GRK6: variants seen among roughly 807,000 people sequenced by gnomAD.
GRK6 encodes the protein G protein-coupled receptor kinase 6.
In GRK6, 37 loss-of-function variants were observed where a neutral mutation model predicts 80.8. That is an observed-to-expected ratio of 0.46 (90% CI 0.35 to 0.60). The LOEUF is 0.60. GRK6 is among the 20% of genes least tolerant of loss of function. The probability of loss-of-function intolerance (pLI) is 0.00; values close to 1 mark genes in which losing one functional copy is unlikely to be tolerated. For synonymous variants in GRK6, 295 were observed against 320.9 expected, an observed-to-expected ratio of 0.92 and a Z score of 0.86; for missense variants, 560 against 784.6, an observed-to-expected ratio of 0.71 and a Z score of 3.42.
Position 177,440,944 on chromosome 5 carries a change from A to C in GRK6, c.1568A>C (p.Glu523Ala). ...ATGGTGGAGACCGAGTGCTTCCAAG[A>C]GCTGAATGTCTTTGGGCTGGATGGC... ...NEMVETECFQELNVFGLDGSV... is the reference protein window; with the variant it reads ...NEMVETECFQALNVFGLDGSV... The change falls in exon 15 of 16, where the codon GAG (glutamate) becomes GCG (alanine). Residue 523 changes from glutamate to alanine, a missense_variant. By Grantham distance (107) the Glu-to-Ala change is moderately radical. Transcript: ENST00000355472. 6.2e-7 allele frequency: 1 copy of C among 1,613,920 alleles called. No homozygotes were observed. The highest frequency in any genetic ancestry group is 8.5e-7 in the Non-Finnish European group (1 of 1,179,982).
intron 11 of GRK6, among the ~76,000 whole-genome samples, 154 bp from the exon 12 acceptor site, chr5:177,435,919 C>T (rs563699289): frequency 1.2e-4 from 19 of 152,306 alleles, no homozygotes; most frequent in Non-Finnish European, 1.8e-4. Context: ...GTATTCACCC[C>T]GCTTGATGGG....
At chr5:177,439,385 C>G (rs561564789) in intron 13 of GRK6, among the ~76,000 whole-genome samples, 1 of 152,006 alleles carries the variant, frequency 6.6e-6, no homozygotes, top group Non-Finnish European at 1.5e-5. Flanking sequence ...ACTAAAAATA[C>G]AAAAATTAGC....
At position 177,428,291 on chromosome 5, in the gene GRK6, G is replaced by T. The variant is rs969737824; in HGVS notation, c.52+1394G>T. On this transcript the variant is annotated intron_variant, in intron 1 of 15. Coordinates refer to ENST00000355472, the MANE Select transcript of GRK6 (RefSeq NM_001004106.3). This position sits in a 1 kb window ranked among gnomAD's most constrained non-coding sequence, Gnocchi z 4.1. ...AGTTAAGGCCTCAGGCCTGCTGATGGCACTGCCTGGCCGGAGAGTGTGGGT... is the reference window on the plus strand; with the variant it reads ...AGTTAAGGCCTCAGGCCTGCTGATGTCACTGCCTGGCCGGAGAGTGTGGGT... 3.3e-5 allele frequency among the ~76,000 whole-genome samples: 5 copies of T among 152,256 alleles called. No homozygotes were observed. Among genetic ancestry groups the T allele is most frequent in the African/African-American group, 1.2e-4 (5 of 41,478 alleles).
At chr5:177,435,163 T>C (rs764761208) in intron 11 of GRK6, 42 bp downstream of exon 11, 6 of 1,468,832 alleles carry the variant, frequency 4.1e-6, no homozygotes, top group Non-Finnish European at 5.6e-6. Context: ...CTGGGTTCCC[T>C]CACTATCCAC....
At chr5:177,434,234 C>A in intron 9 of GRK6, 130 bp downstream of exon 9, 1 of 983,524 alleles carries the variant, frequency 1.0e-6, no homozygotes, top group Non-Finnish European at 1.4e-6. Context: ...GGGGCTGTGG[C>A]ACCGGCTTAA....
At chr5:177,430,302 G>A (rs938479512) in intron 1 of GRK6, among the ~76,000 whole-genome samples, 3 of 152,232 alleles carry the variant, frequency 2.0e-5, no homozygotes, top group African/African-American at 2.4e-5. Context: ...GGGTGTCTGC[G>A]AGGTCAAGCA....
chr5:177,429,453 G>C lies in GRK6; in HGVS notation c.53-1419G>C, dbSNP rs910783676. 3.3e-5 allele frequency among the ~76,000 whole-genome samples: 5 copies of C among 152,164 alleles called. No individual in the cohort carries two copies. The highest frequency in any genetic ancestry group is 1.3e-4 in the Admixed American group (2 of 15,286). ...GGTTGGGTGAGGGACCTGTGGGTGT[G>C]GGGGAGGAGTTCCCCTTCTGGGAAG... On this transcript the variant is annotated intron_variant, in intron 1 of 15. Transcript: ENST00000355472. This position sits in a 1 kb window ranked among gnomAD's most constrained non-coding sequence, Gnocchi z 4.3.
rs766003061 is a variant in GRK6 at position 177,434,051 on chromosome 5, C to T, written c.876C>T (p.Ala292=). The T allele has an allele frequency of 1.3e-5, 21 of 1,609,290 alleles. 1 individual carries two copies. The highest frequency in any genetic ancestry group is 1.6e-4 in the Middle Eastern group (1 of 6,070). The change falls in exon 9 of 16, where the codon GCC becomes GCT. Residue 292 remains alanine, a synonymous_variant. Transcript: ENST00000355472. ...CCGAAGCGCGGGCCGTCTTCTACGC[C>T]GCCGAGATCTGCTGTGGCCTGGAGG... is the stretch of plus-strand genomic sequence containing the variant. ...GFPEARAVFY[A]AEICCGLEDL... is the part of the protein sequence containing the mutation.
At chr5:177,436,588 C>G (rs748498743) in intron 13 of GRK6, 58 bp downstream of exon 13, 2 of 1,473,746 alleles carry the variant, frequency 1.4e-6, no homozygotes, top group East Asian at 4.6e-5. Flanking sequence ...GGCTCAGGGG[C>G]TCTTGTAGTA....
intron 15 of GRK6, 96 bp downstream of exon 15, chr5:177,441,149 C>T (rs1764475280): frequency 3.3e-6 from 5 of 1,521,144 alleles, no homozygotes; most frequent in Non-Finnish European, 3.6e-6. Context: ...TGGGAGTGGG[C>T]GTCCTCCAGT....
chr5:177,430,756 C>G, intron 1 of GRK6, 116 bp from the exon 2 acceptor site: 1 of 799,396 alleles, frequency 1.3e-6, no homozygotes, highest in Non-Finnish European at 2.1e-6. Context: ...GCCTGAGGTG[C>G]TGTTCTGCCT....
At chr5:177,439,649 A>AG (rs1764362575) in intron 13 of GRK6, among the ~76,000 whole-genome samples, 2 of 151,992 alleles carry the variant, frequency 1.3e-5, no homozygotes, top group African/African-American at 4.8e-5. Flanking sequence ...AAAAAAAAAA[A>AG]AAACCCATAC....
chr5:177,436,531 G>C lies in GRK6; in HGVS notation c.1404+1G>C, dbSNP rs777087376. 6.3e-7 allele frequency: 1 copy of C among 1,586,740 alleles called. No individual in the cohort carries two copies. The highest frequency in any genetic ancestry group is 8.6e-7 in the Non-Finnish European group (1 of 1,165,864). On this transcript the variant is annotated splice_donor_variant, in intron 13 of 15. Coordinates refer to ENST00000355472, the MANE Select transcript of GRK6 (RefSeq NM_001004106.3). LOFTEE classifies it high-confidence loss of function. ...GCTGGAGCCGCCGTTCAAGCCTGAC[G>C]TGAGTGCAGCCCACTCCTGCTGAGG...
chr5:177,437,371 C>G (rs1330539837), intron 13 of GRK6, among the ~76,000 whole-genome samples: 1 of 152,192 alleles, frequency 6.6e-6, no homozygotes, highest in East Asian at 1.9e-4. Context: ...ATACACCCAC[C>G]CGAACCTGCA....
Position 177,426,807 on chromosome 5 carries a change from C to CGGCGGCGCGGCCCGGCGGGCCA in GRK6, c.-30_-9dup, listed in dbSNP as rs1282891330. ...CTCGGCACTCGCGCGCGATCCCGGC[C>CGGCGGCGCGGCCCGGCGGGCCA]GGCGGCGCGGCCCGGCGGGCCAGGC... On this transcript the variant is annotated 5_prime_UTR_variant, in exon 1 of 16. Coordinates refer to ENST00000355472, the MANE Select transcript of GRK6 (RefSeq NM_001004106.3). 2 of 1,135,256 alleles carry CGGCGGCGCGGCCCGGCGGGCCA rather than the reference C, an allele frequency of 1.8e-6. No homozygotes were observed. Among genetic ancestry groups the CGGCGGCGCGGCCCGGCGGGCCA allele is most frequent in the Non-Finnish European group, 2.2e-6 (2 of 925,670 alleles). 70.3% of individuals were successfully genotyped at this position (1,135,256 alleles called of 1,614,324 possible).
rs561604287 is a variant in GRK6, at chr5:177,436,443, C to G, written c.1317C>G (p.Ala439=). 4.3e-5 allele frequency: 70 copies of G among 1,613,092 alleles called. 1 individual carries two copies. The East Asian group carries it at 1.4e-3, about 33-fold the overall frequency. ...AERLGCRGGS[A]REVKEHPLFK... is the part of the protein sequence containing the mutation. Reference sequence around the variant, plus strand: ...GCCTGGGGTGTCGTGGGGGCAGTGCCCGCGAGGTGAAGGAGCACCCCCTCT... The same window carrying G: ...GCCTGGGGTGTCGTGGGGGCAGTGCGCGCGAGGTGAAGGAGCACCCCCTCT... The change falls in exon 13 of 16, where the codon GCC becomes GCG. Residue 439 remains alanine (A), a synonymous_variant. Coordinates refer to ENST00000355472, the MANE Select transcript of GRK6 (RefSeq NM_001004106.3).
chr5:177,432,149 G>A, intron 3 of GRK6, 42 bp downstream of exon 3: 1 of 1,608,628 alleles, frequency 6.2e-7, no homozygotes, highest in Middle Eastern at 1.7e-4. Flanking sequence ...GGGTGGCCGA[G>A]GTCCTGGCCC....
intron 13 of GRK6, 111 bp from the exon 14 acceptor site, chr5:177,440,589 C>G: frequency 7.7e-7 from 1 of 1,304,242 alleles, no homozygotes; most frequent in Non-Finnish European, 1.1e-6. Context: ...AATCAGAGAG[C>G]TGCTGGTGTC....
chr5:177,441,103 C>T (rs551998644), intron 15 of GRK6, 50 bp downstream of exon 15: 48 of 1,600,820 alleles, frequency 3.0e-5, no homozygotes, highest in African/African-American at 6.7e-5. Flanking sequence ...CTCCAGGGGA[C>T]GGTGGGTGGG....
Sources: allele counts gnomAD v4.1 joint callset (sites outside exome capture counted in the v4.1 genomes callset), GRCh38; gene constraint gnomAD v4.1.1; non-coding constraint Gnocchi (gnomAD v3.1); transcripts MANE v1.5; gene names NCBI Gene and HGNC (gene_info 2026-07-23, HGNC 2026-07-21).